Variants in PRKAR1B observed in about 807,000 individuals in gnomAD.
The protein encoded by PRKAR1B is protein kinase cAMP-dependent type I regulatory subunit beta.
In PRKAR1B, 22 loss-of-function variants were observed where a neutral mutation model predicts 46.5. That is an observed-to-expected ratio of 0.47 (90% confidence interval 0.34 to 0.68). The LOEUF (loss-of-function observed/expected upper bound fraction) is 0.68, where lower values mean the gene tolerates loss of function less well. PRKAR1B is among the 30% of genes least tolerant of loss of function. The probability of loss-of-function intolerance (pLI) is 0.01; values close to 1 mark genes in which losing one functional copy is unlikely to be tolerated. For missense variants in PRKAR1B, 445 were observed against 535.6 expected, an observed-to-expected ratio of 0.83 and a Z score of 1.67; for synonymous variants, 259 against 217.7, an observed-to-expected ratio of 1.19 and a Z score of -1.67.
chr7:583,464 C>T (rs1459157095), intron 8 of PRKAR1B, among the ~76,000 whole-genome samples: 2 of 148,472 alleles, frequency 1.3e-5, no homozygotes, highest in South Asian at 4.3e-4. Flanking sequence ...CACTCACACA[C>T]GTGCACTCAC....
chr7:646,126 AC>A (rs1002398818), intron 4 of PRKAR1B, among the ~76,000 whole-genome samples: 15 of 151,252 alleles, frequency 9.9e-5, no homozygotes, highest in Admixed American at 2.0e-4. Flanking sequence ...GCTCACTGAA[AC>A]CTCAACCTCC....
chr7:697,716 G>A (rs977684922), intron 2 of PRKAR1B, among the ~76,000 whole-genome samples: 17 of 151,722 alleles, frequency 1.1e-4, no homozygotes, highest in African/African-American at 1.9e-4. Context: ...GCCATGAGGC[G>A]GGGAAACTGA....
chr7:607,203 T>C (rs1782138688), intron 5 of PRKAR1B, among the ~76,000 whole-genome samples, 188 bp downstream of exon 5: 1 of 152,146 alleles, frequency 6.6e-6, no homozygotes, highest in Non-Finnish European at 1.5e-5. Flanking sequence ...GGTTTCACCA[T>C]GCTGGTCACC....
Position 579,371 on chromosome 7 carries a change from A to C in PRKAR1B, c.776T>G (p.Leu259Arg). ...FLSKVSILES[L>R]EKWERLTVAD... ...CACGGTCAGACGCTCCCACTTCTCC[A>C]GGGACTCTGTCGGGGGAGGATGAGG... Residue 259 changes from leucine (L) to arginine (R), a missense_variant, in exon 9 of 11, where the codon CTG (leucine) becomes CGG (arginine). Physicochemically the swap from Leu to Arg is moderately radical, Grantham distance 102. Around this residue, in one of 5 missense-constraint regions of PRKAR1B, gnomAD observed 51 missense variants for 85.1 expected, o/e 0.60. Coordinates refer to ENST00000537384, the MANE Select transcript of PRKAR1B (RefSeq NM_001164760.2). The C allele has an allele frequency of 6.2e-7, 1 of 1,613,774 alleles. No homozygotes were observed. Among genetic ancestry groups the C allele is most frequent in the Non-Finnish European group, 8.5e-7 (1 of 1,180,010 alleles).
intron 9 of PRKAR1B, among the ~76,000 whole-genome samples, chr7:572,970 C>T (rs1331775952): frequency 1.3e-5 from 2 of 152,194 alleles, no homozygotes; most frequent in Non-Finnish European, 2.9e-5. Flanking sequence ...AAACAAACGG[C>T]GGCCACGAGG....
At chr7:615,334 A>T (rs1782740153) in intron 4 of PRKAR1B, among the ~76,000 whole-genome samples, 1 of 151,882 alleles carries the variant, frequency 6.6e-6, no homozygotes, top group Non-Finnish European at 1.5e-5. Context: ...CTGAGGCAGG[A>T]GGATTGCTGG....
rs1430044524 is a variant in PRKAR1B at position 571,916 on chromosome 7, G to A, written c.891+7340C>T. 3.9e-5 allele frequency among the ~76,000 whole-genome samples: 6 copies of A among 152,226 alleles called. No homozygotes were observed. In the East Asian group the frequency reaches 5.8e-4, roughly 15 times the overall value. On this transcript the variant is annotated intron_variant, in intron 9 of 10. Coordinates refer to ENST00000537384, the MANE Select transcript of PRKAR1B (RefSeq NM_001164760.2). ...CCCTGGCACACACTGCCGCCTCTCCGCTAGGCCCTGGACGCCACTCTCACT... is the reference window on the plus strand; with the variant it reads ...CCCTGGCACACACTGCCGCCTCTCCACTAGGCCCTGGACGCCACTCTCACT...
chr7:550,702 G>A lies in PRKAR1B; in HGVS notation c.974-100C>T, dbSNP rs1189050755. 5 of 991,208 alleles carry A rather than the reference G, an allele frequency of 5.0e-6. No homozygotes were observed. The African/African-American group carries it at 6.6e-5, about 13-fold the overall frequency. 61.4% of individuals were successfully genotyped at this position (991,208 alleles called of 1,614,324 possible). ...ACCCTGGAAGCGGCTCCCTTTTAAG[G>A]ATAGGATGTGCCAGGCACACGTGAA... is the stretch of plus-strand genomic sequence containing the variant. On this transcript the variant is annotated intron_variant, in intron 10 of 10. Transcript: ENST00000537384.
At chr7:631,991 T>G (rs1478560091) in intron 4 of PRKAR1B, among the ~76,000 whole-genome samples, 1 of 150,090 alleles carries the variant, frequency 6.7e-6, no homozygotes, top group Non-Finnish European at 1.5e-5. Context: ...GCACCTTGTG[T>G]CCCGATCTAG....
chr7:701,350 GAAAGA>G (rs1180804673), intron 2 of PRKAR1B, among the ~76,000 whole-genome samples: 1 of 151,916 alleles, frequency 6.6e-6, no homozygotes, highest in Non-Finnish European at 1.5e-5. Context: ...GAAAAAGAAA[GAAAGA>G]AAGAGATTTA....
chr7:602,599 G>A lies in PRKAR1B; in HGVS notation c.549+3594C>T. 5.9e-6 allele frequency: 1 copy of A among 169,666 alleles called. No homozygotes were observed. Among genetic ancestry groups the A allele is most frequent in the Middle Eastern group, 5.2e-4 (1 of 1,930 alleles). The allele number at this position is 169,666 out of a possible 1,614,324, so 10.5% of individuals were successfully genotyped here. A position where few individuals can be genotyped will look rare whatever the true frequency, so the allele number is the denominator to read the frequency against. On this transcript the variant is annotated intron_variant, in intron 6 of 10. Transcript: ENST00000537384. The surrounding 1 kb of genome is among the most constrained non-coding windows in gnomAD (Gnocchi z 6.4). ...ATGCTGCCGGCTGGGGCCTGGCGCT[G>A]GGGCAGGAGGGTGGCCACCCGCGCT...
rs1211459810 is a variant in PRKAR1B at position 685,284 on chromosome 7, ATATATG to A, written c.178-4564_178-4559del. On this transcript the variant is annotated intron_variant, in intron 2 of 10. Transcript: ENST00000537384. ...TACATATATACGTATATATACGTAT[ATATATG>A]TATACATATATATATACGTATATAT... Among the ~76,000 whole-genome samples, 3 of 75,890 alleles carry A rather than the reference ATATATG, an allele frequency of 4.0e-5. 1 individual carries two copies. Among genetic ancestry groups the A allele is most frequent in the East Asian group, 7.2e-4 (2 of 2,782 alleles). The allele number at this position is 75,890 out of a possible 152,430, so 49.8% of individuals were successfully genotyped here. A position where few individuals can be genotyped will look rare whatever the true frequency, so the allele number is the denominator to read the frequency against.
chr7:646,256 C>G (rs1392945498), intron 4 of PRKAR1B, among the ~76,000 whole-genome samples: 3 of 152,226 alleles, frequency 2.0e-5, no homozygotes, highest in African/African-American at 7.2e-5. Flanking sequence ...GTTCCCCAGG[C>G]TGGTCTCAAA....
At chr7:561,426 A>T (rs1291650857) in intron 9 of PRKAR1B, among the ~76,000 whole-genome samples, 1 of 152,152 alleles carries the variant, frequency 6.6e-6, no homozygotes, top group Non-Finnish European at 1.5e-5. Context: ...TTTTTTCCAC[A>T]TGGAAGGCAA....
chr7:702,580 T>C (rs966479778), intron 2 of PRKAR1B, among the ~76,000 whole-genome samples: 1 of 152,152 alleles, frequency 6.6e-6, no homozygotes, highest in Non-Finnish European at 1.5e-5. Flanking sequence ...TCTCAGCACT[T>C]TGGGAGGCCG....
intron 4 of PRKAR1B, among the ~76,000 whole-genome samples, chr7:630,041 G>T (rs1328842956): frequency 7.2e-6 from 1 of 139,108 alleles, no homozygotes; most frequent in Non-Finnish European, 1.6e-5. Flanking sequence ...GCTGGAAAAC[G>T]CTGCAGGAGC....
intron 7 of PRKAR1B, among the ~76,000 whole-genome samples, chr7:591,135 C>T (rs937837142): frequency 6.6e-6 from 1 of 152,290 alleles, no homozygotes; most frequent in Non-Finnish European, 1.5e-5. Flanking sequence ...CCGTCCATCT[C>T]TCGCGGCGGG....
At chr7:669,337 G>T (rs931504078) in intron 4 of PRKAR1B, among the ~76,000 whole-genome samples, 3 of 152,206 alleles carry the variant, frequency 2.0e-5, no homozygotes, top group Non-Finnish European at 4.4e-5. Flanking sequence ...GGGCCCAGGA[G>T]GGGGTGATAG....
At chr7:591,107 C>T (rs987898207) in intron 7 of PRKAR1B, among the ~76,000 whole-genome samples, 2 of 152,294 alleles carry the variant, frequency 1.3e-5, no homozygotes, top group Non-Finnish European at 2.9e-5. Flanking sequence ...GAACCTCAGA[C>T]ATTAAAGCCT....
Sources: gnomAD v4.1 joint callset for allele counts (sites outside exome capture counted in the v4.1 genomes callset) on GRCh38, gnomAD v4.1.1 for gene constraint, gnomAD v4.1.1 regional missense constraint, Gnocchi (gnomAD v3.1) non-coding constraint, MANE v1.5 for transcripts, NCBI Gene and HGNC (gene_info 2026-07-23, HGNC 2026-07-21) for gene names.